PCSK5: variants seen among roughly 807,000 people sequenced by gnomAD.
PCSK5 encodes the protein proprotein convertase subtilisin/kexin type 5, also known as prohormone convertase 5.
Under a neutral mutation model 233.2 loss-of-function variants are expected in PCSK5, and 129 were observed. The ratio of observed to expected loss-of-function variants is 0.55; its 90% CI spans 0.48 to 0.64. The LOEUF (loss-of-function observed/expected upper bound fraction) is 0.64, where lower values mean the gene tolerates loss of function less well. PCSK5 is among the 30% of genes least tolerant of loss of function. The pLI is 0.00. For missense variants in PCSK5, 2,076 were observed against 2,430.1 expected (o/e 0.85, Z 3.06); for synonymous variants, 825 against 879.2 (o/e 0.94, Z 1.09).
chr9:76,197,535 A>G (rs983875606), intron 20 of PCSK5, among the ~76,000 whole-genome samples: 10 of 152,210 alleles, frequency 6.6e-5, no homozygotes, highest in Non-Finnish European at 1.3e-4. Flanking sequence ...TATCCCCCTC[A>G]TGTAAAAAGA....
rs534726928 is a variant in PCSK5 at position 76,018,785 on chromosome 9, G to T, written c.412-4953G>T. On this transcript the variant is annotated intron_variant, in intron 3 of 37. Transcript: ENST00000674117. ...AATAAATGGAATAAGGAAAAAGTAG[G>T]TCTCTAAGGTCTTAAACAACTGTAT... Among the ~76,000 whole-genome samples, 34 of 152,304 alleles carry T rather than the reference G, an allele frequency of 2.2e-4. No individual in the cohort carries two copies. In the South Asian group the frequency reaches 6.0e-3, roughly 27 times the overall value.
intron 7 of PCSK5, among the ~76,000 whole-genome samples, chr9:76,081,406 A>T (rs1830829435): frequency 6.6e-6 from 1 of 152,246 alleles, no homozygotes; most frequent in South Asian, 2.1e-4. Context: ...GTGAGTTGAG[A>T]TTGCGCCATT....
intron 9 of PCSK5, among the ~76,000 whole-genome samples, chr9:76,127,444 C>A (rs1822553744): frequency 6.6e-6 from 1 of 152,108 alleles, no homozygotes; most frequent in South Asian, 2.1e-4. Flanking sequence ...TATTGACAAT[C>A]CTAGTGGGTC....
chr9:75,975,661 G>T (rs1389400190), intron 2 of PCSK5, among the ~76,000 whole-genome samples: 1 of 152,068 alleles, frequency 6.6e-6, no homozygotes, highest in Non-Finnish European at 1.5e-5. Flanking sequence ...TGTGGGATTG[G>T]TCAAAGAACA....
rs949676308 is a variant in PCSK5 at position 75,946,009 on chromosome 9, C to A, written c.297+13526C>A. On this transcript the variant is annotated intron_variant, in intron 2 of 37. Coordinates refer to ENST00000674117, the MANE Select transcript of PCSK5 (RefSeq NM_001372043.1). Reference sequence around the variant, plus strand: ...TTTGGTGACTGTTGGTTTTCTCATTCTAGGATACAAATTCAATGGAGGCCA... The same window carrying A: ...TTTGGTGACTGTTGGTTTTCTCATTATAGGATACAAATTCAATGGAGGCCA... Among the ~76,000 whole-genome samples the A allele has an allele frequency of 4.6e-5, 7 of 152,156 alleles. No homozygotes were observed. In the East Asian group the frequency reaches 9.6e-4, roughly 21 times the overall value.
At chr9:75,973,545 G>A (rs1350149246) in intron 2 of PCSK5, among the ~76,000 whole-genome samples, 1 of 152,148 alleles carries the variant, frequency 6.6e-6, no homozygotes, top group East Asian at 1.9e-4. Context: ...TAGCCACTGT[G>A]GGGACTAGAG....
intron 10 of PCSK5, among the ~76,000 whole-genome samples, chr9:76,153,137 GAA>G: frequency 6.6e-6 from 1 of 152,102 alleles, no homozygotes; most frequent in Non-Finnish European, 1.5e-5. Context: ...AAGCAGCCCT[GAA>G]CTCTAAAGGA....
chr9:76,334,402 A>G (rs1829619658), intron 34 of PCSK5, among the ~76,000 whole-genome samples: 1 of 152,212 alleles, frequency 6.6e-6, no homozygotes, highest in South Asian at 2.1e-4. Flanking sequence ...TGCTTCTACA[A>G]CACTCAGCAC....
chr9:76,010,032 G>T (rs1827664706), intron 3 of PCSK5, among the ~76,000 whole-genome samples: 1 of 152,180 alleles, frequency 6.6e-6, no homozygotes, highest in Non-Finnish European at 1.5e-5. Context: ...AACTACCGAT[G>T]AAGTTGATAC....
intron 3 of PCSK5, among the ~76,000 whole-genome samples, chr9:75,993,860 T>G (rs982660070): frequency 6.6e-6 from 1 of 152,220 alleles, no homozygotes; most frequent in Non-Finnish European, 1.5e-5. Flanking sequence ...GGAAGCTCAT[T>G]AGAGACTCAG....
chr9:76,085,381 C>T (rs900879614), intron 7 of PCSK5, among the ~76,000 whole-genome samples: 9 of 152,128 alleles, frequency 5.9e-5, no homozygotes, highest in African/African-American at 1.2e-4. Context: ...GCTATTTCAC[C>T]GGAAACAAAT....
chr9:76,239,754 G>A (rs189043767), intron 23 of PCSK5, among the ~76,000 whole-genome samples: 18 of 151,980 alleles, frequency 1.2e-4, no homozygotes, highest in South Asian at 6.3e-4. Flanking sequence ...TGATCTTGGC[G>A]GGTGGGGGGA....
intron 10 of PCSK5, among the ~76,000 whole-genome samples, chr9:76,143,988 T>C (rs1564058947): frequency 6.6e-6 from 1 of 152,162 alleles, no homozygotes; most frequent in Non-Finnish European, 1.5e-5. Flanking sequence ...GTATTTGCCA[T>C]ATAACTCCAC....
intron 7 of PCSK5, among the ~76,000 whole-genome samples, chr9:76,093,805 A>G (rs1401134807): frequency 6.6e-6 from 1 of 152,084 alleles, no homozygotes; most frequent in Non-Finnish European, 1.5e-5. Context: ...GAGTTGGAAC[A>G]TTCTTTCTTT....
intron 36 of PCSK5, among the ~76,000 whole-genome samples, chr9:76,351,947 T>TGG (rs1830178479): frequency 1.3e-5 from 2 of 152,046 alleles, no homozygotes; most frequent in African/African-American, 4.8e-5. Flanking sequence ...CTATTGTCAC[T>TGG]TCTGTGGTCA....
At chr9:76,264,884 C>A (rs902599597) in intron 24 of PCSK5, among the ~76,000 whole-genome samples, 1 of 152,088 alleles carries the variant, frequency 6.6e-6, no homozygotes, top group Non-Finnish European at 1.5e-5. Flanking sequence ...TGGGTATATA[C>A]CCAAATATAT....
chr9:76,347,907 A>G (rs1326838645), intron 35 of PCSK5, among the ~76,000 whole-genome samples: 2 of 152,072 alleles, frequency 1.3e-5, no homozygotes, highest in East Asian at 3.8e-4. Context: ...ATAATTATAT[A>G]TATTTATAGG....
intron 20 of PCSK5, chr9:76,194,960 C>CCAAA (rs1241983903): frequency 5.7e-6 from 1 of 175,848 alleles, no homozygotes; most frequent in Non-Finnish European, 1.2e-5. Context: ...AGGTCCCCAT[C>CCAAA]CAAACAGCAA....
chr9:75,928,600 TA>T (rs1823616254), intron 1 of PCSK5, among the ~76,000 whole-genome samples: 1 of 78,172 alleles, frequency 1.3e-5, no homozygotes, highest in East Asian at 3.6e-4. Context: ...TAAATACATA[TA>T]TATATATATA....
Sources: gnomAD v4.1 joint callset for allele counts (sites outside exome capture counted in the v4.1 genomes callset) on GRCh38, gnomAD v4.1.1 for gene constraint, MANE v1.5 for transcripts, NCBI Gene and HGNC (gene_info 2026-07-23, HGNC 2026-07-21) for gene names.